The following TMPRSS7 variants were observed in gnomAD, a reference collection of about 807,000 sequenced individuals.
TMPRSS7 encodes the protein transmembrane serine protease 7, also known as transmembrane protease serine 7.
In TMPRSS7, 81 loss-of-function variants were observed where a neutral mutation model predicts 95.6. The ratio of observed to expected loss-of-function variants is 0.85; its 90% CI spans 0.71 to 1.02. The LOEUF is 1.02. Among genes scored for constraint, TMPRSS7 ranks in the 50% least tolerant of loss-of-function variants. The probability of loss-of-function intolerance (pLI) is 0.00; values close to 1 mark genes in which losing one functional copy is unlikely to be tolerated. For missense variants in TMPRSS7, 945 were observed against 955.2 expected (o/e 0.99, Z 0.14); for synonymous variants, 364 against 337.8 (o/e 1.08, Z -0.85).
At chr3:112,042,154 G>A (rs2073217353) in intron 3 of TMPRSS7, 104 bp downstream of exon 3, 1 of 854,052 alleles carries the variant, frequency 1.2e-6, no homozygotes, top group Non-Finnish European at 1.9e-6. Context: ...CAGGGTTTAG[G>A]GAAGTAGAGG....
At chr3:112,044,109 A>T (rs2073246221) in intron 3 of TMPRSS7, 146 bp from the exon 4 acceptor site, 1 of 573,858 alleles carries the variant, frequency 1.7e-6, no homozygotes. Flanking sequence ...TCAAGAAATA[A>T]TGCCGGGGTG....
At chr3:112,053,621 C>G (rs908308620) in intron 9 of TMPRSS7, among the ~76,000 whole-genome samples, 28 of 152,138 alleles carry the variant, frequency 1.8e-4, no homozygotes, top group African/African-American at 6.8e-4. Flanking sequence ...GTGTTTTTGG[C>G]AACATATTTT....
chr3:112,047,745 G>C (rs2073297294), exon 7 of TMPRSS7: 1 of 1,612,370 alleles, frequency 6.2e-7, no homozygotes, highest in African/African-American at 1.3e-5. Context: ...ACAGACAAAG[G>C]CTGCTCTCAG....
chr3:112,075,062 A>G (rs1268918558), intron 14 of TMPRSS7, among the ~76,000 whole-genome samples: 1 of 152,164 alleles, frequency 6.6e-6, no homozygotes, highest in African/African-American at 2.4e-5. Flanking sequence ...TGTTTGTGTC[A>G]GTTCAGCTGT....
At chr3:112,070,679 T>A (rs1431663343) in intron 13 of TMPRSS7, among the ~76,000 whole-genome samples, 1 of 152,238 alleles carries the variant, frequency 6.6e-6, no homozygotes, top group Non-Finnish European at 1.5e-5. Context: ...TTCATTTGCT[T>A]GGTAGATCTT....
chr3:112,056,939 T>A, intron 9 of TMPRSS7, 86 bp from the exon 10 acceptor site: 3 of 896,500 alleles, frequency 3.3e-6, no homozygotes, highest in Non-Finnish European at 5.2e-6. Flanking sequence ...GCAAGTAGAA[T>A]GGCCTTAAAA....
chr3:112,037,779 T>A (rs944901264), intron 1 of TMPRSS7, among the ~76,000 whole-genome samples: 1 of 152,006 alleles, frequency 6.6e-6, no homozygotes, highest in African/African-American at 2.4e-5. Context: ...GGCCGACACT[T>A]AGGGAAAATA....
intron 9 of TMPRSS7, 75 bp from the exon 10 acceptor site, chr3:112,056,950 C>A: frequency 1.8e-6 from 2 of 1,084,744 alleles, no homozygotes; most frequent in Non-Finnish European, 2.7e-6. Flanking sequence ...GGCCTTAAAA[C>A]AACAAGCCAA....
At chr3:112,046,515 A>G (rs1159270953) in intron 5 of TMPRSS7, among the ~76,000 whole-genome samples, 1 of 152,216 alleles carries the variant, frequency 6.6e-6, no homozygotes, top group East Asian at 1.9e-4. Context: ...TGTATTTAAA[A>G]ATATATAAGT....
intron 11 of TMPRSS7, among the ~76,000 whole-genome samples, chr3:112,062,416 G>C (rs1275897692): frequency 6.6e-6 from 1 of 152,206 alleles, no homozygotes; most frequent in East Asian, 1.9e-4. Context: ...ACTACTGGAA[G>C]AGCGGCCAGG....
At chr3:112,057,658 A>T (rs1414327874) in intron 10 of TMPRSS7, among the ~76,000 whole-genome samples, 3 of 152,152 alleles carry the variant, frequency 2.0e-5, no homozygotes, top group Non-Finnish European at 4.4e-5. Flanking sequence ...ATTGTTGTTG[A>T]TTTCCTTCTA....
At chr3:112,070,119 T>A (rs1213010327) in intron 13 of TMPRSS7, among the ~76,000 whole-genome samples, 3 of 152,260 alleles carry the variant, frequency 2.0e-5, no homozygotes, top group Non-Finnish European at 4.4e-5. Context: ...TTATGCAGTT[T>A]CCATGAAGTT....
chr3:112,040,258 A>G (rs1415567675), intron 2 of TMPRSS7, among the ~76,000 whole-genome samples: 2 of 152,222 alleles, frequency 1.3e-5, no homozygotes, highest in African/African-American at 4.8e-5. Context: ...ACCACGATGC[A>G]TCTCCTACCT....
intron 6 of TMPRSS7, 105 bp downstream of exon 6, chr3:112,047,117 A>C (rs1399746496): frequency 1.5e-6 from 1 of 669,182 alleles, no homozygotes; most frequent in Non-Finnish European, 2.7e-6. Flanking sequence ...TTTAATTGCA[A>C]GTGACAGAAA....
rs1559955653 is a variant in TMPRSS7, at chr3:112,051,386, A to G, written c.1203+603A>G. Among the ~76,000 whole-genome samples, 4 of 152,168 alleles carry G rather than the reference A, an allele frequency of 2.6e-5. No individual in the cohort carries two copies. In the South Asian group the frequency reaches 6.2e-4, roughly 24 times the overall value. On this transcript the variant is annotated intron_variant, in intron 9 of 17. Coordinates refer to ENST00000452346, the Ensembl canonical transcript of TMPRSS7. ...ACACGCAAATACTACACAATTTTAT[A>G]TAATATACTTCAGTATCTGAGAATT...
At chr3:112,062,044 C>T (rs2073515096) in intron 11 of TMPRSS7, 121 bp downstream of exon 11, 5 of 525,532 alleles carry the variant, frequency 9.5e-6, no homozygotes, top group Non-Finnish European at 1.4e-5. Context: ...TTTCCTTTTA[C>T]ATACTTATTT....
chr3:112,047,387 A>G (rs2073292473), intron 6 of TMPRSS7: 1 of 562,266 alleles, frequency 1.8e-6, no homozygotes, highest in Non-Finnish European at 3.4e-6. Context: ...ACCTCCACGT[A>G]TTTCCTGATT....
In TMPRSS7 at chr3:112,055,703, G is replaced by A. The variant is rs1055576213; in HGVS notation, c.1204-1322G>A. ...ATCAGGCAAGTATAAACAACAAAAA[G>A]CAGAGTTCACAATCAGTACCAGGCA... On this transcript the variant is annotated intron_variant, in intron 9 of 17. Transcript: ENST00000452346. 2.1e-5 allele frequency among the ~76,000 whole-genome samples: 3 copies of A among 142,446 alleles called. No individual in the cohort carries two copies. The East Asian group carries it at 5.9e-4, about 28-fold the overall frequency. 93.5% of individuals were successfully genotyped at this position (142,446 alleles called of 152,430 possible).
chr3:112,051,515 ATATCTATCTATCTATCTATCTATC>A (rs10546401), intron 9 of TMPRSS7, among the ~76,000 whole-genome samples: 4 of 145,418 alleles, frequency 2.8e-5, no homozygotes, highest in Non-Finnish European at 4.5e-5. Flanking sequence ...TGTATACGAA[ATATCTATCTATCTATCTATCTATC>A]TATCTATCTA....
Sources: gnomAD v4.1 joint callset for allele counts (sites outside exome capture counted in the v4.1 genomes callset) on GRCh38, gnomAD v4.1.1 for gene constraint, MANE v1.5 for transcripts, NCBI Gene and HGNC (gene_info 2026-07-23, HGNC 2026-07-21) for gene names.